MAML1: variants seen among roughly 807,000 people sequenced by gnomAD.
The protein encoded by MAML1 is mastermind like transcriptional coactivator 1.
Under a neutral mutation model 77.1 loss-of-function variants are expected in MAML1, and 14 were observed. The ratio of observed to expected loss-of-function variants is 0.18; its 90% CI spans 0.12 to 0.28. The LOEUF is 0.28. Ranked by LOEUF, MAML1 falls within the 10% of genes least tolerant of loss-of-function variation. The pLI, the probability that MAML1 is intolerant of heterozygous loss-of-function variation, is 1.00. For synonymous variants in MAML1, 516 were observed against 551.9 expected (o/e 0.93, Z 0.91); for missense variants, 1,217 against 1,327.8 (o/e 0.92, Z 1.30).
intron 1 of MAML1, among the ~76,000 whole-genome samples, chr5:179,748,076 G>C (rs1174934162): frequency 6.6e-6 from 1 of 151,868 alleles, no homozygotes; most frequent in Non-Finnish European, 1.5e-5. Context: ...TAACACTATT[G>C]CATACTTTAT....
chr5:179,753,633 GGTT>G (rs1261786157), intron 1 of MAML1, among the ~76,000 whole-genome samples: 11 of 139,302 alleles, frequency 7.9e-5, no homozygotes, highest in Non-Finnish European at 1.6e-4. Flanking sequence ...TTTCTGTTTG[GGTT>G]GTTTTATTAT....
chr5:179,740,652 T>C (rs571704489), intron 1 of MAML1, among the ~76,000 whole-genome samples: 6 of 152,102 alleles, frequency 3.9e-5, no homozygotes, highest in Non-Finnish European at 7.4e-5. Context: ...AGTGGATGCA[T>C]ATAAAGCTTT....
intron 2 of MAML1, among the ~76,000 whole-genome samples, chr5:179,767,117 T>A (rs1779836214): frequency 1.3e-5 from 2 of 149,770 alleles, no homozygotes; most frequent in South Asian, 2.1e-4. Context: ...TTTTTTTTTT[T>A]TACTACCTTT....
rs1169794450 is a variant in MAML1 at position 179,766,288 on chromosome 5, G to C, written c.1278G>C (p.Gln426His). 1 of 1,613,816 alleles carries C rather than the reference G, an allele frequency of 6.2e-7. No individual in the cohort carries two copies. The highest frequency in any genetic ancestry group is 8.5e-7 in the Non-Finnish European group (1 of 1,179,848). The stretch of plus-strand genomic sequence containing the variant: ...CCACCCCGGCACCAGCCCCGGGCCA[G>C]ATGTCCACATGGCAGCAGACGGGGC... ...QQATPAPAPG[Q>H]MSTWQQTGPS... is the part of the protein sequence containing the mutation. The change falls in exon 2 of 5, where the codon CAG becomes CAC. Residue 426 changes from glutamine to histidine, a missense_variant. Physicochemically the swap from Gln to His is conservative, Grantham distance 24. Transcript: ENST00000292599. This position sits in a 1 kb window ranked among gnomAD's most constrained non-coding sequence, Gnocchi z 4.0.
chr5:179,756,269 CA>C (rs1342302912), intron 1 of MAML1, among the ~76,000 whole-genome samples: 1 of 150,828 alleles, frequency 6.6e-6, no homozygotes, highest in African/African-American at 2.4e-5. Context: ...ACTAAAAATA[CA>C]AAAAATTGGC....
intron 1 of MAML1, among the ~76,000 whole-genome samples, chr5:179,743,177 C>T (rs142716561): frequency 0.021 from 3,136 of 151,414 alleles, 129 homozygotes; most frequent in African/African-American, 0.073. Context: ...CTCAGCCTCC[C>T]GGGTAGCTGG....
chr5:179,772,946 A>C (rs897563026), intron 4 of MAML1, among the ~76,000 whole-genome samples: 7 of 152,200 alleles, frequency 4.6e-5, no homozygotes, highest in Admixed American at 1.3e-4. Context: ...GCTGGAGTGC[A>C]GTGGCATGAT....
chr5:179,749,665 A>G (rs2113349894), intron 1 of MAML1, among the ~76,000 whole-genome samples: 1 of 152,334 alleles, frequency 6.6e-6, no homozygotes, highest in South Asian at 2.1e-4. Context: ...TAAGACACAG[A>G]TACAGCAAAC....
rs1271847476 is a variant in MAML1, at chr5:179,771,796, AT to A, written c.2068+556del. 1.3e-5 allele frequency among the ~76,000 whole-genome samples: 2 copies of A among 152,140 alleles called. No individual in the cohort carries two copies. Among genetic ancestry groups the A allele is most frequent in the Non-Finnish European group, 2.9e-5 (2 of 68,018 alleles). On this transcript the variant is annotated intron_variant, in intron 4 of 4. Coordinates refer to ENST00000292599, the MANE Select transcript of MAML1 (RefSeq NM_014757.5). The surrounding 1 kb of genome is among the most constrained non-coding windows in gnomAD (Gnocchi z 4.7). ...GCCATCCCTCCAGAAATGCACAAAG[AT>A]TTCAGGGAATGGATACAGGAAGCTC... is the stretch of plus-strand genomic sequence containing the variant.
At chr5:179,752,787 T>C (rs902131796) in intron 1 of MAML1, among the ~76,000 whole-genome samples, 1 of 151,874 alleles carries the variant, frequency 6.6e-6, no homozygotes, top group Non-Finnish European at 1.5e-5. Flanking sequence ...TTATTTTATT[T>C]TTTTGAGAAG....
chr5:179,754,855 T>A (rs1779580467), intron 1 of MAML1, among the ~76,000 whole-genome samples: 2 of 152,248 alleles, frequency 1.3e-5, no homozygotes, highest in South Asian at 4.1e-4. Flanking sequence ...ATTCAAGTTA[T>A]TTTTGAGATG....
Position 179,732,889 on chromosome 5 carries a change from G to A in MAML1, c.-224G>A, listed in dbSNP as rs1170491392. The stretch of plus-strand genomic sequence containing the variant: ...GCGCGGAAAACAATGGGGCCGGGGC[G>A]GTGGGGAGAGGCCGAGGCTTGAGGT... On this transcript the variant is annotated 5_prime_UTR_variant, in exon 1 of 5. Transcript: ENST00000292599. The A allele has an allele frequency of 1.1e-5, 3 of 268,600 alleles. No individual in the cohort carries two copies. Among genetic ancestry groups the A allele is most frequent in the Non-Finnish European group, 2.1e-5 (3 of 144,006 alleles). 16.6% of individuals were successfully genotyped at this position (268,600 alleles called of 1,614,324 possible). A position where few individuals can be genotyped will look rare whatever the true frequency, so the allele number is the denominator to read the frequency against.
chr5:179,767,741 G>C (rs924933385), intron 2 of MAML1, among the ~76,000 whole-genome samples: 1 of 152,184 alleles, frequency 6.6e-6, no homozygotes, highest in East Asian at 1.9e-4. Context: ...TGCAACTTAC[G>C]AAGCACTCTC....
Position 179,774,160 on chromosome 5 carries a change from T to C in MAML1, c.2334T>C (p.His778=), listed in dbSNP as rs1480869075. The change falls in exon 5 of 5, where the codon CAT becomes CAC. Residue 778 remains histidine, a synonymous_variant. Transcript: ENST00000292599. ...CCCCGCCACAGGCCACCAATGGACATGCCCACATTCCACGGCAGACCAACG... is the reference window on the plus strand; with the variant it reads ...CCCCGCCACAGGCCACCAATGGACACGCCCACATTCCACGGCAGACCAACG... The part of the protein sequence containing the change: ...AQPPPQATNG[H]AHIPRQTNVG... The C allele has an allele frequency of 6.2e-7, 1 of 1,613,558 alleles. No homozygotes were observed. Among genetic ancestry groups the C allele is most frequent in the Admixed American group, 1.7e-5 (1 of 60,024 alleles).
At chr5:179,741,316 C>G (rs535020088) in intron 1 of MAML1, among the ~76,000 whole-genome samples, 1 of 152,118 alleles carries the variant, frequency 6.6e-6, no homozygotes, top group Non-Finnish European at 1.5e-5. Flanking sequence ...ATTGCAAAGC[C>G]GAGTTCAGGG....
At chr5:179,738,187 ATT>A (rs1779210057) in intron 1 of MAML1, among the ~76,000 whole-genome samples, 1 of 152,106 alleles carries the variant, frequency 6.6e-6, no homozygotes, top group Non-Finnish European at 1.5e-5. Context: ...TCATTTGCAC[ATT>A]CTCTCTCTCC....
Position 179,732,892 on chromosome 5 carries a change from G to C in MAML1, c.-221G>C. 1 of 271,416 alleles carries C rather than the reference G, an allele frequency of 3.7e-6. No individual in the cohort carries two copies. The highest frequency in any genetic ancestry group is 6.9e-6 in the Non-Finnish European group (1 of 145,720). 16.8% of individuals were successfully genotyped at this position (271,416 alleles called of 1,614,324 possible). A position where few individuals can be genotyped will look rare whatever the true frequency, so the allele number is the denominator to read the frequency against. ...CGGAAAACAATGGGGCCGGGGCGGT[G>C]GGGAGAGGCCGAGGCTTGAGGTAGG... On this transcript the variant is annotated 5_prime_UTR_variant, in exon 1 of 5. Coordinates refer to ENST00000292599, the MANE Select transcript of MAML1 (RefSeq NM_014757.5).
chr5:179,747,768 C>T (rs2113346976), intron 1 of MAML1, among the ~76,000 whole-genome samples: 1 of 135,538 alleles, frequency 7.4e-6, no homozygotes, highest in South Asian at 2.3e-4. Context: ...CCGAGATTGT[C>T]CCACTGCACT....
At chr5:179,763,023 T>G (rs1168038586) in intron 1 of MAML1, among the ~76,000 whole-genome samples, 4 of 152,248 alleles carry the variant, frequency 2.6e-5, no homozygotes, top group Admixed American at 1.3e-4. Context: ...AGAAAGATTC[T>G]GTTTCTAATC....
Sources: gnomAD v4.1 joint callset for allele counts (sites outside exome capture counted in the v4.1 genomes callset) on GRCh38, gnomAD v4.1.1 for gene constraint, Gnocchi (gnomAD v3.1) non-coding constraint, MANE v1.5 for transcripts, NCBI Gene and HGNC (gene_info 2026-07-23, HGNC 2026-07-21) for gene names.